Variants in HSD17B4 observed in about 807,000 individuals in gnomAD.
HSD17B4 encodes peroxisomal multifunctional enzyme type 2.
A neutral mutation model predicts 101.0 loss-of-function variants in HSD17B4; 70 were observed. That is an observed-to-expected ratio of 0.69 (90% CI 0.57 to 0.85). The LOEUF (loss-of-function observed/expected upper bound fraction) is 0.85, where lower values mean the gene tolerates loss of function less well. HSD17B4 is among the 40% of genes least tolerant of loss of function. The probability of loss-of-function intolerance (pLI) is 0.00; values close to 1 mark genes in which losing one functional copy is unlikely to be tolerated. For synonymous variants in HSD17B4, 347 were observed against 297.1 expected, an observed-to-expected ratio of 1.17 and a Z score of -1.73; for missense variants, 984 against 892.4, an observed-to-expected ratio of 1.10 and a Z score of -1.31.
intron 16 of HSD17B4, chr5:119,509,451 G>T: frequency 1.5e-6 from 1 of 685,170 alleles, no homozygotes; most frequent in Non-Finnish European, 2.7e-6. Flanking sequence ...TGAGGATGAT[G>T]AGGATGAAGA....
chr5:119,471,658 C>T, intron 2 of HSD17B4: 3 of 1,445,998 alleles, frequency 2.1e-6, no homozygotes, highest in Middle Eastern at 1.7e-4. Flanking sequence ...ATGCAATAAC[C>T]CTATGGAGAA....
Position 119,496,632 on chromosome 5 carries a change from G to GC in HSD17B4, c.959dup (p.Thr321AsnfsTer46). On this transcript the variant is annotated frameshift_variant, in exon 12 of 24. Transcript: ENST00000510025. LOFTEE classifies it high-confidence loss of function. The stretch of plus-strand genomic sequence containing the variant: ...TCATACTAGTCGTGCAACGTCTACA[G>GC]CAACATCAGGATTTGTAAGTGGGAA... 6.3e-7 allele frequency: 1 copy of GC among 1,586,506 alleles called. No homozygotes were observed. The highest frequency in any genetic ancestry group is 8.7e-7 in the Non-Finnish European group (1 of 1,154,770).
intron 14 of HSD17B4, among the ~76,000 whole-genome samples, chr5:119,503,570 A>G (rs1751382333): frequency 6.6e-6 from 1 of 152,198 alleles, no homozygotes; most frequent in South Asian, 2.1e-4. Flanking sequence ...TGTTTATAAA[A>G]CACACCAATT....
At chr5:119,525,178 AACACTG>A in intron 17 of HSD17B4, 32 bp from the exon 18 acceptor site, 1 of 1,444,784 alleles carries the variant, frequency 6.9e-7, no homozygotes, top group Non-Finnish European at 9.7e-7. Flanking sequence ...ATTCTAACAA[AACACTG>A]AGTTCTAGTT....
At chr5:119,523,692 C>T (rs376073979) in intron 17 of HSD17B4, among the ~76,000 whole-genome samples, 191 of 152,240 alleles carry the variant, frequency 1.3e-3, no homozygotes, top group African/African-American at 4.4e-3. Context: ...TAGTACTAAT[C>T]TTAGAAACTT....
intron 6 of HSD17B4, chr5:119,476,524 T>C: frequency 1.0e-6 from 1 of 977,614 alleles, no homozygotes; most frequent in South Asian, 4.7e-5. Flanking sequence ...TCATTGTTTA[T>C]AGAGTGTGTT....
rs746894542 is a variant in HSD17B4 at position 119,475,884 on chromosome 5, A to C, written c.349+14A>C. ...ATGAAGACTGGGGTAAGTTGTTTTT[A>C]GTATTTCTCTGGGGAACATACTTAT... On this transcript the variant is annotated intron_variant, in intron 6 of 23. Coordinates refer to ENST00000510025, the MANE Select transcript of HSD17B4 (RefSeq NM_000414.4). 1 of 1,564,264 alleles carries C rather than the reference A, an allele frequency of 6.4e-7. No individual in the cohort carries two copies. The highest frequency in any genetic ancestry group is 8.8e-7 in the Non-Finnish European group (1 of 1,134,702).
At chr5:119,460,403 A>G (rs1755109115) in intron 2 of HSD17B4, among the ~76,000 whole-genome samples, 2 of 152,210 alleles carry the variant, frequency 1.3e-5, no homozygotes. Context: ...CTGATAATAA[A>G]TGAGCCGTAC....
intron 8 of HSD17B4, among the ~76,000 whole-genome samples, chr5:119,488,989 A>G (rs547038017): frequency 1.3e-5 from 2 of 152,254 alleles, no homozygotes; most frequent in East Asian, 1.9e-4. Flanking sequence ...GATACTTACA[A>G]TTTTAGAAGC....
chr5:119,502,802 G>A (rs1244053490), intron 14 of HSD17B4, among the ~76,000 whole-genome samples: 2 of 152,052 alleles, frequency 1.3e-5, no homozygotes, highest in African/African-American at 2.4e-5. Context: ...TCTAAAAAAT[G>A]TATGAGATTT....
Position 119,525,346 on chromosome 5 carries a change from A to G in HSD17B4, c.1573+61A>G. 3 of 1,005,770 alleles carry G rather than the reference A, an allele frequency of 3.0e-6. No individual in the cohort carries two copies. The East Asian group carries it at 7.3e-5, about 24-fold the overall frequency. The allele number at this position is 1,005,770 out of a possible 1,614,324, so 62.3% of individuals were successfully genotyped here. A position where few individuals can be genotyped will look rare whatever the true frequency, so the allele number is the denominator to read the frequency against. ...TAGCTATTCGATATTTAATTAAATA[A>G]TGTAAAGACACTACTACTTATGACT... On this transcript the variant is annotated intron_variant, in intron 18 of 23. Transcript: ENST00000510025.
chr5:119,479,302 C>G (rs1200584602), intron 8 of HSD17B4, among the ~76,000 whole-genome samples: 2 of 151,772 alleles, frequency 1.3e-5, no homozygotes, highest in Non-Finnish European at 1.5e-5. Flanking sequence ...AATATTCTTC[C>G]TGTTTCATAA....
At chr5:119,479,103 T>C in intron 8 of HSD17B4, 82 bp downstream of exon 8, 1 of 1,013,472 alleles carries the variant, frequency 9.9e-7, no homozygotes, top group Non-Finnish European at 1.5e-6. Context: ...TTTAATTTTC[T>C]GAATACTTAA....
At chr5:119,501,313 C>G (rs1402200751) in intron 13 of HSD17B4, among the ~76,000 whole-genome samples, 2 of 148,470 alleles carry the variant, frequency 1.3e-5, no homozygotes, top group East Asian at 3.9e-4. Flanking sequence ...TCTTCTTCTT[C>G]CTTTTTTTTT....
rs1021375342 is a variant in HSD17B4 at position 119,542,030 on chromosome 5, T to G, written c.*36T>G. On this transcript the variant is annotated 3_prime_UTR_variant, in exon 24 of 24. Coordinates refer to ENST00000510025, the MANE Select transcript of HSD17B4 (RefSeq NM_000414.4). ...ACACTATTAATAAAAATGGAATCAT[T>G]AAATACTCTCTTCACCCAAATATGC... is the stretch of plus-strand genomic sequence containing the variant. The G allele has an allele frequency of 1.5e-6, 2 of 1,350,716 alleles. No homozygotes were observed. The highest frequency in any genetic ancestry group is 1.4e-5 in the African/African-American group (1 of 69,136). 83.7% of individuals were successfully genotyped at this position (1,350,716 alleles called of 1,614,324 possible).
At chr5:119,452,760 A>G in intron 1 of HSD17B4, 127 bp downstream of exon 1, 2 of 1,579,318 alleles carry the variant, frequency 1.3e-6, no homozygotes, top group Non-Finnish European at 1.7e-6. Context: ...GGGAATGGTT[A>G]TTCTTGAGGC....
At chr5:119,530,777 C>T (rs1454092510) in intron 21 of HSD17B4, among the ~76,000 whole-genome samples, 6 of 134,112 alleles carry the variant, frequency 4.5e-5, no homozygotes, top group African/African-American at 8.1e-5. Context: ...CACGGGAACC[C>T]GGGAGGTGGA....
intron 14 of HSD17B4, among the ~76,000 whole-genome samples, chr5:119,505,492 T>C (rs1751561463): frequency 6.6e-6 from 1 of 152,302 alleles, no homozygotes; most frequent in African/African-American, 2.4e-5. Flanking sequence ...AGATATTTTA[T>C]TTTTTTGTGC....
intron 17 of HSD17B4, 39 bp from the exon 18 acceptor site, chr5:119,525,177 A>T: frequency 7.0e-7 from 1 of 1,435,634 alleles, no homozygotes; most frequent in Non-Finnish European, 9.8e-7. Flanking sequence ...TATTCTAACA[A>T]AACACTGAGT....
Sources: allele counts gnomAD v4.1 joint callset (sites outside exome capture counted in the v4.1 genomes callset), GRCh38; gene constraint gnomAD v4.1.1; transcripts MANE v1.5; gene names NCBI Gene and HGNC (gene_info 2026-07-23, HGNC 2026-07-21).